The following MXRA5 variants were observed in gnomAD, a reference collection of about 807,000 sequenced individuals.
MXRA5 encodes the protein matrix-remodeling-associated protein 5.
Under a neutral mutation model 112.5 loss-of-function variants are expected in MXRA5, and 41 were observed. The observed-to-expected ratio is 0.36, with a 90% CI of 0.28 to 0.47. The LOEUF is 0.47. Ranked by LOEUF, MXRA5 falls within the 20% of genes least tolerant of loss-of-function variation. The pLI is 0.99. For synonymous variants in MXRA5, 862 were observed against 900.8 expected (o/e 0.96, Z 0.77); for missense variants, 2,150 against 2,251.0 (o/e 0.96, Z 0.91).
intron 6 of MXRA5, among the ~76,000 whole-genome samples, chrX:3,312,334 A>G (rs1485732436): frequency 1.8e-5 from 2 of 112,180 alleles, no homozygotes; most frequent in Non-Finnish European, 3.8e-5. Flanking sequence ...TAATAATTAC[A>G]AAAAGGTTTA....
intron 4 of MXRA5, among the ~76,000 whole-genome samples, 198 bp downstream of exon 4, chrX:3,329,820 G>A (rs1921620943): frequency 8.9e-6 from 1 of 111,871 alleles, no homozygotes; most frequent in African/African-American, 3.2e-5. Context: ...CTGCCTTTGC[G>A]TTGGGGAATG....
chrX:3,332,347 C>T (rs1322861326), intron 2 of MXRA5, among the ~76,000 whole-genome samples: 4 of 111,158 alleles, frequency 3.6e-5, no homozygotes, highest in African/African-American at 9.8e-5. Context: ...CAGGTTCACG[C>T]CATTCTCCTG....
chrX:3,311,045 C>T lies in MXRA5; in HGVS notation c.7158G>A (p.Lys2386=), dbSNP rs5983117. 6,651 of 1,209,295 alleles carry T rather than the reference C, an allele frequency of 5.5e-3. 233 individuals carry two copies. In the African/African-American group the frequency reaches 0.1, roughly 19 times the overall value. Residue 2386 remains lysine, a synonymous_variant, in exon 7 of 7, where the codon AAG becomes AAA. Coordinates refer to ENST00000217939, the MANE Select transcript of MXRA5 (RefSeq NM_015419.4). ...PKVTWLSPTN[K]VIPTSSEKYQ... is the part of the protein sequence containing the mutation. ...ACTTCTCAGAGGAGGTGGGGATCAC[C>T]TTGTTGGTTGGGGACAACCAAGTCA...
intron 4 of MXRA5, among the ~76,000 whole-genome samples, chrX:3,326,482 T>A: frequency 9.6e-6 from 1 of 103,693 alleles, no homozygotes; most frequent in East Asian, 2.9e-4. Context: ...ATAATCAATA[T>A]GTATGTATCT....
intron 3 of MXRA5, 35 bp downstream of exon 3, chrX:3,330,609 C>T: frequency 8.3e-7 from 1 of 1,198,726 alleles, no homozygotes; most frequent in Non-Finnish European, 1.1e-6. Context: ...TTAGAGGATG[C>T]AATTTAGTGA....
At chrX:3,345,574 C>G (rs1183332256) in intron 1 of MXRA5, among the ~76,000 whole-genome samples, 3 of 113,001 alleles carry the variant, frequency 2.7e-5, no homozygotes, top group African/African-American at 9.6e-5. Context: ...CCCGGGAGAC[C>G]CAGGAAACTC....
At position 3,343,660 on chromosome X, in the gene MXRA5, T is replaced by C; in HGVS notation, c.174A>G (p.Glu58=). The C allele has an allele frequency of 3.3e-6, 4 of 1,211,216 alleles. No individual in the cohort carries two copies. Among genetic ancestry groups the C allele is most frequent in the Non-Finnish European group, 4.5e-6 (4 of 895,119 alleles). The change falls in exon 2 of 7, where the codon GAA becomes GAG. Residue 58 remains glutamate (E), a synonymous_variant. Transcript: ENST00000217939. The part of the protein sequence containing the change: ...SVPAGIAKHV[E]RINLGFNSIQ... ...GTGGTACAAACCCCAAATTGATTCT[T>C]TCCACGTGTTTAGCAATGCCAGCGG...
chrX:3,329,136 A>G (rs1317843768), intron 4 of MXRA5, among the ~76,000 whole-genome samples: 1 of 90,153 alleles, frequency 1.1e-5, no homozygotes, highest in Non-Finnish European at 2.2e-5. Context: ...GAAGGTGGGA[A>G]CCAGAGAAGG....
At position 3,317,309 on chromosome X, in the gene MXRA5, G is replaced by T; in HGVS notation, c.6372C>A (p.Ala2124=). Residue 2124 remains alanine (A), a synonymous_variant, in exon 6 of 7, where the codon GCC becomes GCA. Transcript: ENST00000217939. ...PKDSGRYECV[A]ANLVGSARRT... Reference sequence around the variant, plus strand: ...TGCGCGCGGAGCCTACCAGGTTGGCGGCCACGCACTCATAGCGCCCGCTGT... The same window carrying T: ...TGCGCGCGGAGCCTACCAGGTTGGCTGCCACGCACTCATAGCGCCCGCTGT... 1 of 1,205,230 alleles carries T rather than the reference G, an allele frequency of 8.3e-7. No homozygotes were observed. The highest frequency in any genetic ancestry group is 1.7e-5 in the African/African-American group (1 of 57,978).
At chrX:3,335,257 C>A (rs1216833641) in intron 2 of MXRA5, among the ~76,000 whole-genome samples, 1 of 111,518 alleles carries the variant, frequency 9.0e-6, no homozygotes, top group Non-Finnish European at 1.9e-5. Context: ...AGTGCAGTGG[C>A]GCCATCTCGG....
At position 3,321,926 on chromosome X, in the gene MXRA5, G is replaced by A. The variant is rs1413473308; in HGVS notation, c.3759C>T (p.Ser1253=). The A allele has an allele frequency of 5.0e-6, 6 of 1,208,667 alleles. No homozygotes were observed. The highest frequency in any genetic ancestry group is 1.8e-5 in the African/African-American group (1 of 56,840). The change falls in exon 5 of 7, where the codon TCC becomes TCT. Residue 1253 remains serine, a synonymous_variant. Transcript: ENST00000217939. The stretch of plus-strand genomic sequence containing the variant: ...CTGGAGAAGGGCTGGGCTTGGATCC[G>A]GACGCTCTTGAGCTCACTGTAGAAG... ...YTPSTVSSRA[S]GSKPSPSPEN...
rs774922562 is a variant in MXRA5, at chrX:3,321,971, T to C, written c.3714A>G (p.Pro1238=). ...GTPRRKHGKR[P]NKHRYTPSTV... ...TAGAAGGGGTATATCGATGTTTGTT[T>C]GGCCTCTTCCCGTGTTTTCTCCGTG... The change falls in exon 5 of 7, where the codon CCA becomes CCG. Residue 1238 remains proline (P), a synonymous_variant. Coordinates refer to ENST00000217939, the MANE Select transcript of MXRA5 (RefSeq NM_015419.4). 8.3e-7 allele frequency: 1 copy of C among 1,211,806 alleles called. No homozygotes were observed. Among genetic ancestry groups the C allele is most frequent in the Non-Finnish European group, 1.1e-6 (1 of 895,572 alleles).
intron 6 of MXRA5, 27 bp from the exon 7 acceptor site, chrX:3,311,651 G>C: frequency 8.6e-7 from 1 of 1,158,188 alleles, no homozygotes; most frequent in Non-Finnish European, 1.2e-6. Context: ...AAAGGAGTAA[G>C]ATGTCAGTTT....
Position 3,325,947 on chromosome X carries a change from T to C in MXRA5, c.710-972A>G, listed in dbSNP as rs1328708620. 7.6e-3 allele frequency among the ~76,000 whole-genome samples: 454 copies of C among 59,719 alleles called. 7 individuals are homozygous for C. Among genetic ancestry groups the C allele is most frequent in the African/African-American group, 0.026 (426 of 16,355 alleles). The allele number at this position is 59,719 out of a possible 115,157, so 51.9% of individuals were successfully genotyped here. A position where few individuals can be genotyped will look rare whatever the true frequency, so the allele number is the denominator to read the frequency against. ...TATAATATATAATTTATAATTGTAA[T>C]TTATAATATATAATTTATAATTATA... On this transcript the variant is annotated intron_variant, in intron 4 of 6. Transcript: ENST00000217939.
intron 6 of MXRA5, among the ~76,000 whole-genome samples, chrX:3,313,811 A>C (rs1216641537): frequency 4.5e-5 from 5 of 112,336 alleles, no homozygotes; most frequent in African/African-American, 1.6e-4. Flanking sequence ...AATGGAAAGC[A>C]GTTCTCTATG....
chrX:3,344,066 C>G (rs777865271), intron 1 of MXRA5, among the ~76,000 whole-genome samples: 1 of 109,827 alleles, frequency 9.1e-6, no homozygotes, highest in Admixed American at 9.8e-5. Context: ...TTAATCATGA[C>G]TATAGAATAT....
At chrX:3,314,662 A>G (rs925793667) in intron 6 of MXRA5, among the ~76,000 whole-genome samples, 3 of 110,434 alleles carry the variant, frequency 2.7e-5, no homozygotes, top group African/African-American at 9.9e-5. Flanking sequence ...TCTTGGCTTC[A>G]GTACTAGGGA....
chrX:3,344,186 A>C (rs1406631449), intron 1 of MXRA5, among the ~76,000 whole-genome samples: 10 of 108,634 alleles, frequency 9.2e-5, no homozygotes, highest in Non-Finnish European at 7.7e-5. Context: ...GAGAGAGAGA[A>C]GAAAGAGGTT....
rs765151375 is a variant in MXRA5, at chrX:3,311,427, C to A, written c.6776G>T (p.Gly2259Val). 8.3e-7 allele frequency: 1 copy of A among 1,210,069 alleles called. No homozygotes were observed. Among genetic ancestry groups the A allele is most frequent in the Non-Finnish European group, 1.1e-6 (1 of 895,342 alleles). The change falls in exon 7 of 7, where the codon GGT becomes GTT. Residue 2259 changes from glycine to valine, a missense_variant. Transcript: ENST00000217939. ...GGCCACACAGTCCACTTTCAGGTCA[C>A]CCCCGTAGAAGACTTTGTGGTCGTT... ...EENDHKVFYGGDLKVDCVATG... is the reference protein window; with the variant it reads ...EENDHKVFYGVDLKVDCVATG...
Sources: allele counts gnomAD v4.1 joint callset (sites outside exome capture counted in the v4.1 genomes callset), GRCh38; gene constraint gnomAD v4.1.1; transcripts MANE v1.5; gene names NCBI Gene and HGNC (gene_info 2026-07-23, HGNC 2026-07-21).